DSCAM: variants seen among roughly 807,000 people sequenced by gnomAD.
DSCAM encodes DS cell adhesion molecule.
In DSCAM, 47 loss-of-function variants were observed where a neutral mutation model predicts 217.7. The observed-to-expected ratio is 0.22, with a 90% CI of 0.17 to 0.28. The LOEUF (loss-of-function observed/expected upper bound fraction) is 0.28. DSCAM is among the 10% of genes least tolerant of loss of function. The probability of loss-of-function intolerance (pLI) is 1.00; values close to 1 mark genes in which losing one functional copy is unlikely to be tolerated. For synonymous variants in DSCAM, 1,056 were observed against 1,015.3 expected (o/e 1.04, Z -0.76); for missense variants, 2,080 against 2,618.3 (o/e 0.79, Z 4.49).
chr21:40,082,807 T>C (rs2837426), intron 24 of DSCAM, among the ~76,000 whole-genome samples: 23,933 of 152,130 alleles, frequency 0.16, 2,092 homozygotes, highest in East Asian at 0.26. Context: ...GCATTTCTGA[T>C]TTCCATGGTG....
rs148652734 is a variant in DSCAM at position 40,763,846 on chromosome 21, A to T, written c.44-55075T>A. On this transcript the variant is annotated intron_variant, in intron 1 of 32. Coordinates refer to ENST00000400454, the MANE Select transcript of DSCAM (RefSeq NM_001389.5). ...CGTGACAAGAACAAGCAATGGGGAA[A>T]GGATTCCCTATTTAATAAATGGTGC... Among the ~76,000 whole-genome samples the T allele has an allele frequency of 9.1e-4, 138 of 152,346 alleles. 1 individual carries two copies. Among genetic ancestry groups the T allele is most frequent in the African/African-American group, 3.2e-3 (131 of 41,580 alleles).
intron 32 of DSCAM, among the ~76,000 whole-genome samples, chr21:40,040,305 G>A (rs1268641972): frequency 2.6e-5 from 4 of 152,130 alleles, no homozygotes; most frequent in Admixed American, 2.6e-4. Context: ...GCTCTAATGG[G>A]TCCAGGTCAC....
At chr21:40,829,363 C>T (rs572553140) in intron 1 of DSCAM, among the ~76,000 whole-genome samples, 20 of 152,150 alleles carry the variant, frequency 1.3e-4, no homozygotes, top group Non-Finnish European at 2.5e-4. Flanking sequence ...CAGAAATCAA[C>T]TAGGGCAGTG....
intron 1 of DSCAM, among the ~76,000 whole-genome samples, chr21:40,760,088 G>A (rs2091316967): frequency 6.6e-6 from 1 of 151,854 alleles, no homozygotes; most frequent in Non-Finnish European, 1.5e-5. Context: ...CCACCCCCCA[G>A]GTTCAAGCAA....
At chr21:40,184,875 C>A (rs61238566) in intron 14 of DSCAM, among the ~76,000 whole-genome samples, 8,713 of 152,156 alleles carry the variant, frequency 0.057, 800 homozygotes, top group African/African-American at 0.19. Flanking sequence ...CATTTTACTC[C>A]TAAGTATTTT....
rs780478714 is a variant in DSCAM at position 40,369,232 on chromosome 21, G to T, written c.522C>A (p.Leu174=). ...TATACAAGGCTCCCGTGGATGTGAT[G>T]AGAAATCTAGATCCTGAAATAGAGG... ...TVSLVSGSRF[L]ITSTGALYIK... Residue 174 remains leucine, a synonymous_variant, in exon 4 of 33, where the codon CTC becomes CTA. Transcript: ENST00000400454. 2.2e-5 allele frequency: 36 copies of T among 1,608,072 alleles called. No homozygotes were observed. The highest frequency in any genetic ancestry group is 2.0e-5 in the Non-Finnish European group (23 of 1,177,660).
intron 32 of DSCAM, among the ~76,000 whole-genome samples, chr21:40,041,810 C>T (rs2088755832): frequency 6.6e-6 from 1 of 152,118 alleles, no homozygotes; most frequent in Non-Finnish European, 1.5e-5. Context: ...TTCAGAAGCC[C>T]TCAGTGTGGC....
chr21:40,365,975 T>A (rs2074828305), intron 4 of DSCAM, among the ~76,000 whole-genome samples: 1 of 152,212 alleles, frequency 6.6e-6, no homozygotes, highest in South Asian at 2.1e-4. Context: ...GTTTATTACA[T>A]TTACTGTTCT....
intron 3 of DSCAM, among the ~76,000 whole-genome samples, chr21:40,565,019 G>T (rs938641399): frequency 6.6e-6 from 1 of 152,098 alleles, no homozygotes; most frequent in African/African-American, 2.4e-5. Flanking sequence ...GACCCAACAC[G>T]GTGCCATTTC....
chr21:40,208,774 CAG>C (rs1333321092), intron 11 of DSCAM, among the ~76,000 whole-genome samples: 1 of 152,144 alleles, frequency 6.6e-6, no homozygotes, highest in Non-Finnish European at 1.5e-5. Context: ...GGTTGCGAAA[CAG>C]AAATATGGAG....
intron 1 of DSCAM, among the ~76,000 whole-genome samples, chr21:40,804,835 T>G (rs1456480532): frequency 1.3e-5 from 2 of 152,194 alleles, no homozygotes; most frequent in Non-Finnish European, 2.9e-5. Flanking sequence ...CATCTAGGAC[T>G]ATCTACTGAG....
intron 6 of DSCAM, 120 bp downstream of exon 6, chr21:40,347,550 C>A: frequency 7.4e-7 from 1 of 1,346,444 alleles, no homozygotes. Flanking sequence ...AGAGTACTAG[C>A]TGGTGAGACA....
chr21:40,244,246 T>A (rs1336890303), intron 11 of DSCAM, among the ~76,000 whole-genome samples: 2 of 151,864 alleles, frequency 1.3e-5, no homozygotes, highest in Non-Finnish European at 2.9e-5. Flanking sequence ...AGGTCAGGAG[T>A]TCGAGACCAG....
intron 3 of DSCAM, among the ~76,000 whole-genome samples, chr21:40,638,014 A>G (rs905694731): frequency 1.3e-4 from 20 of 152,062 alleles, no homozygotes; most frequent in African/African-American, 4.6e-4. Flanking sequence ...TTCTCATTTT[A>G]GATCCTATTA....
chr21:40,263,550 T>C (rs2073482303), intron 11 of DSCAM, among the ~76,000 whole-genome samples: 1 of 152,172 alleles, frequency 6.6e-6, no homozygotes. Flanking sequence ...ATCTCTGGGA[T>C]ACAGCAAAAG....
At chr21:40,670,634 C>A (rs2090262976) in intron 3 of DSCAM, among the ~76,000 whole-genome samples, 1 of 152,014 alleles carries the variant, frequency 6.6e-6, no homozygotes, top group Non-Finnish European at 1.5e-5. Flanking sequence ...AGCGTAATAC[C>A]CTCAAGATTG....
intron 10 of DSCAM, among the ~76,000 whole-genome samples, chr21:40,278,340 G>C (rs2073715995): frequency 6.6e-6 from 1 of 152,122 alleles, no homozygotes; most frequent in Admixed American, 6.5e-5. Flanking sequence ...TTTAAATTTA[G>C]CAGGTCATAC....
chr21:40,191,304 G>A (rs1322041486), intron 11 of DSCAM, among the ~76,000 whole-genome samples: 1 of 152,158 alleles, frequency 6.6e-6, no homozygotes, highest in African/African-American at 2.4e-5. Context: ...GTGCCCCACA[G>A]CACTGACCGT....
At chr21:40,426,189 C>A (rs2075473333) in intron 3 of DSCAM, among the ~76,000 whole-genome samples, 1 of 152,194 alleles carries the variant, frequency 6.6e-6, no homozygotes, top group South Asian at 2.1e-4. Context: ...TGCCCTGGGG[C>A]TAGCTAAGCA....
Sources: allele counts gnomAD v4.1 joint callset (sites outside exome capture counted in the v4.1 genomes callset), GRCh38; gene constraint gnomAD v4.1.1; transcripts MANE v1.5; gene names NCBI Gene and HGNC (gene_info 2026-07-23, HGNC 2026-07-21).